The following NRG1 variants were observed in gnomAD, a reference collection of about 807,000 sequenced individuals.
The protein encoded by NRG1 is pro-neuregulin-1, membrane-bound isoform.
NRG1 carries 18 observed loss-of-function variants against 63.8 expected under a neutral mutation model. The observed-to-expected ratio is 0.28, with a 90% CI of 0.19 to 0.42. The LOEUF (loss-of-function observed/expected upper bound fraction) is 0.42. NRG1 is among the 10% of genes least tolerant of loss of function. The pLI is 1.00. For synonymous variants in NRG1, 302 were observed against 301.3 expected, an observed-to-expected ratio of 1.00 and a Z score of -0.02; for missense variants, 762 against 814.7, an observed-to-expected ratio of 0.94 and a Z score of 0.79.
intron 1 of NRG1, among the ~76,000 whole-genome samples, chr8:31,666,186 G>C (rs1163573798): frequency 6.6e-6 from 1 of 152,174 alleles, no homozygotes; most frequent in African/African-American, 2.4e-5. Context: ...CGGCTTTAAA[G>C]AAAATGTTAA....
chr8:31,826,853 GA>G (rs1245127778), intron 1 of NRG1, among the ~76,000 whole-genome samples: 3 of 152,230 alleles, frequency 2.0e-5, no homozygotes, highest in Non-Finnish European at 4.4e-5. Context: ...TTGTTTGAGA[GA>G]TAAATGCAGT....
chr8:32,029,452 G>C (rs1817941441), intron 1 of NRG1: 1 of 152,176 alleles, frequency 6.6e-6, no homozygotes, highest in Admixed American at 6.5e-5. Context: ...ATGTTTTATG[G>C]ACAGAAAATG....
chr8:32,124,014 G>T (rs1295075286), intron 1 of NRG1, among the ~76,000 whole-genome samples: 2 of 151,914 alleles, frequency 1.3e-5, no homozygotes, highest in Admixed American at 1.3e-4. Flanking sequence ...AATTATTTAT[G>T]AAGAGAAGTT....
At chr8:31,841,524 A>G (rs1429098862) in intron 1 of NRG1, among the ~76,000 whole-genome samples, 1 of 152,192 alleles carries the variant, frequency 6.6e-6, no homozygotes, top group Admixed American at 6.6e-5. Flanking sequence ...TTAGTGGGCT[A>G]TTTAAAGTGT....
intron 2 of NRG1, among the ~76,000 whole-genome samples, chr8:32,600,192 C>A: frequency 6.6e-6 from 1 of 152,042 alleles, no homozygotes; most frequent in Middle Eastern, 3.4e-3. Context: ...ATCTCTTGAG[C>A]GCAGGAGTTC....
intron 1 of NRG1, among the ~76,000 whole-genome samples, chr8:31,925,601 C>T (rs911705510): frequency 6.6e-6 from 1 of 151,972 alleles, no homozygotes; most frequent in African/African-American, 2.4e-5. Flanking sequence ...ATTCTAATTA[C>T]TTGTGTCTTA....
intron 1 of NRG1, among the ~76,000 whole-genome samples, chr8:32,027,618 T>G (rs57244987): frequency 0.026 from 3,882 of 152,160 alleles, 176 homozygotes; most frequent in African/African-American, 0.089. Context: ...CCATACTGTT[T>G]GTTTTCTTTA....
chr8:31,804,427 C>T (rs558224018), intron 1 of NRG1, among the ~76,000 whole-genome samples: 1 of 152,178 alleles, frequency 6.6e-6, no homozygotes, highest in Admixed American at 6.5e-5. Context: ...TTTTTCTGTC[C>T]ATCTCTAAAC....
intron 1 of NRG1, among the ~76,000 whole-genome samples, chr8:31,936,737 C>T (rs949183475): frequency 2.0e-5 from 3 of 152,156 alleles, no homozygotes; most frequent in African/African-American, 4.8e-5. Flanking sequence ...GTGTTCATCA[C>T]GTACAGAGTA....
chr8:31,824,270 C>T (rs1158721665), intron 1 of NRG1, among the ~76,000 whole-genome samples: 1 of 146,938 alleles, frequency 6.8e-6, no homozygotes, highest in African/African-American at 2.5e-5. Context: ...TGAGAACATG[C>T]AGTGTTTGGT....
chr8:32,108,077 A>G (rs1008657314), intron 1 of NRG1, among the ~76,000 whole-genome samples: 19 of 152,166 alleles, frequency 1.2e-4, no homozygotes, highest in Admixed American at 1.2e-3. Flanking sequence ...GTAGATTCAT[A>G]TCAAAAATTG....
chr8:32,484,102 CAA>C (rs11297137), intron 1 of NRG1, among the ~76,000 whole-genome samples: 2,013 of 139,136 alleles, frequency 0.014, 47 homozygotes, highest in African/African-American at 0.047. Flanking sequence ...GACTCCGTAT[CAA>C]AAAAAAAAAA....
intron 5 of NRG1, among the ~76,000 whole-genome samples, chr8:32,695,912 T>C (rs1813184164): frequency 6.6e-6 from 1 of 152,196 alleles, no homozygotes; most frequent in Non-Finnish European, 1.5e-5. Flanking sequence ...AACAAAAGAA[T>C]GTGCCCAGTG....
chr8:32,544,979 T>C (rs1832936623), upstream of NRG1, among the ~76,000 whole-genome samples: 1 of 152,178 alleles, frequency 6.6e-6, no homozygotes, highest in Non-Finnish European at 1.5e-5. Context: ...GTAATCTTTG[T>C]TTACATTATC....
At chr8:32,586,741 A>G (rs1438539713) in intron 1 of NRG1, among the ~76,000 whole-genome samples, 2 of 152,230 alleles carry the variant, frequency 1.3e-5, no homozygotes, top group South Asian at 2.1e-4. Context: ...AATGGAAACA[A>G]TCATTAGGTA....
intron 1 of NRG1, among the ~76,000 whole-genome samples, chr8:32,115,867 C>G (rs1040381163): frequency 6.6e-6 from 1 of 152,086 alleles, no homozygotes; most frequent in African/African-American, 2.4e-5. Flanking sequence ...GCTGCCAAGT[C>G]AATGCTCTTG....
chr8:31,919,117 C>A (rs944891863), intron 1 of NRG1, among the ~76,000 whole-genome samples: 15 of 152,084 alleles, frequency 9.9e-5, no homozygotes, highest in Admixed American at 6.6e-4. Flanking sequence ...GTCTTGCTAG[C>A]AGTCTATCAA....
intron 1 of NRG1, among the ~76,000 whole-genome samples, chr8:32,184,498 C>T (rs1229714744): frequency 2.0e-5 from 3 of 151,768 alleles, no homozygotes; most frequent in Non-Finnish European, 4.4e-5. Context: ...GTTTTTGTTA[C>T]AGCCTATAAC....
At chr8:31,938,618 G>C (rs771809577) in intron 1 of NRG1, among the ~76,000 whole-genome samples, 1 of 152,104 alleles carries the variant, frequency 6.6e-6, no homozygotes, top group Non-Finnish European at 1.5e-5. Flanking sequence ...CATCAAGGAG[G>C]CACCAGAAAA....
Sources: gnomAD v4.1 joint callset for allele counts (sites outside exome capture counted in the v4.1 genomes callset) on GRCh38, gnomAD v4.1.1 for gene constraint, MANE v1.5 for transcripts, NCBI Gene and HGNC (gene_info 2026-07-23, HGNC 2026-07-21) for gene names.